UNC5D: variants seen among roughly 807,000 people sequenced by gnomAD.
The protein encoded by UNC5D is unc-5 netrin receptor D.
UNC5D carries 39 observed loss-of-function variants against 105.4 expected under a neutral mutation model. The ratio of observed to expected loss-of-function variants is 0.37; its 90% CI spans 0.29 to 0.48. UNC5D has a LOEUF of 0.48. Among genes scored for constraint, UNC5D ranks in the 20% least tolerant of loss-of-function variants. The pLI is 0.98. For missense variants in UNC5D, 991 were observed against 1,202.4 expected, an observed-to-expected ratio of 0.82 and a Z score of 2.60; for synonymous variants, 452 against 450.4, an observed-to-expected ratio of 1.00 and a Z score of -0.04.
chr8:35,720,020 C>T (rs903153113), intron 8 of UNC5D, among the ~76,000 whole-genome samples: 4 of 152,164 alleles, frequency 2.6e-5, no homozygotes, highest in Non-Finnish European at 4.4e-5. Context: ...GGTCTGCAGG[C>T]ATACATAGGG....
intron 4 of UNC5D, among the ~76,000 whole-genome samples, chr8:35,604,919 A>G (rs911190393): frequency 3.9e-5 from 6 of 152,024 alleles, no homozygotes; most frequent in Admixed American, 1.3e-4. Context: ...ACTTCTCTGC[A>G]TTGGTTATTC....
At chr8:35,646,782 A>G (rs1469708611) in intron 4 of UNC5D, among the ~76,000 whole-genome samples, 1 of 152,144 alleles carries the variant, frequency 6.6e-6, no homozygotes, top group Non-Finnish European at 1.5e-5. Flanking sequence ...ATATGTTTCC[A>G]GTGAAAAAGA....
At chr8:35,557,134 T>C (rs983271) in intron 2 of UNC5D, among the ~76,000 whole-genome samples, 34,711 of 152,092 alleles carry the variant, frequency 0.23, 6,108 homozygotes, top group African/African-American at 0.48. Flanking sequence ...CTAAACAACC[T>C]TTCCATGTCC....
chr8:35,749,381 A>C (rs1830154557), intron 12 of UNC5D, among the ~76,000 whole-genome samples: 1 of 152,194 alleles, frequency 6.6e-6, no homozygotes, highest in South Asian at 2.1e-4. Context: ...AGCTTCCTTT[A>C]TGTCCATCTG....
intron 1 of UNC5D, among the ~76,000 whole-genome samples, chr8:35,429,535 C>T (rs1399225307): frequency 6.6e-6 from 1 of 152,036 alleles, no homozygotes; most frequent in Non-Finnish European, 1.5e-5. Context: ...ATTATATCAT[C>T]ATTAATTTCA....
chr8:35,378,252 T>A (rs948689070), intron 1 of UNC5D, among the ~76,000 whole-genome samples: 6 of 152,188 alleles, frequency 3.9e-5, no homozygotes, highest in East Asian at 1.9e-4. Context: ...ACCTTATAAA[T>A]GTTATCTTCT....
chr8:35,731,242 T>C lies in UNC5D; in HGVS notation c.1766+146T>C, dbSNP rs1393788813. On this transcript the variant is annotated intron_variant, in intron 11 of 16. Coordinates refer to ENST00000404895, the MANE Select transcript of UNC5D (RefSeq NM_080872.4). ...GGCGAAAGCCTGTCTCTACTAAAAA[T>C]ACAAAAAAATTAGCCAGGCATGGTG... 15 of 657,674 alleles carry C rather than the reference T, an allele frequency of 2.3e-5. No homozygotes were observed. In the East Asian group the frequency reaches 4.4e-4, roughly 19 times the overall value. 40.7% of individuals were successfully genotyped at this position (657,674 alleles called of 1,614,324 possible).
intron 1 of UNC5D, among the ~76,000 whole-genome samples, chr8:35,332,929 G>A (rs1290457513): frequency 6.6e-6 from 1 of 152,224 alleles, no homozygotes; most frequent in African/African-American, 2.4e-5. Context: ...GCTCTTCTGA[G>A]TGGGGTGAAC....
intron 1 of UNC5D, among the ~76,000 whole-genome samples, chr8:35,421,777 C>G (rs1326348142): frequency 6.6e-6 from 1 of 152,126 alleles, no homozygotes; most frequent in South Asian, 2.1e-4. Context: ...ATAATCCCAC[C>G]CTTCAGGTTT....
intron 13 of UNC5D, among the ~76,000 whole-genome samples, chr8:35,756,685 C>CT (rs1830535836): frequency 6.6e-6 from 1 of 152,076 alleles, no homozygotes; most frequent in African/African-American, 2.4e-5. Flanking sequence ...AGCCACGTGG[C>CT]TTTAGGCAAA....
intron 1 of UNC5D, among the ~76,000 whole-genome samples, chr8:35,412,194 C>T (rs773206015): frequency 2.6e-5 from 4 of 151,912 alleles, no homozygotes; most frequent in Non-Finnish European, 5.9e-5. Context: ...TGTTAGGTTC[C>T]CTGAGCTCCT....
intron 1 of UNC5D, among the ~76,000 whole-genome samples, chr8:35,420,901 G>A (rs1368025112): frequency 1.3e-5 from 2 of 152,298 alleles, no homozygotes; most frequent in South Asian, 2.1e-4. Flanking sequence ...ATACAGGTCA[G>A]AAATGATGTG....
At chr8:35,469,542 C>A (rs1329408723) in intron 1 of UNC5D, among the ~76,000 whole-genome samples, 1 of 152,142 alleles carries the variant, frequency 6.6e-6, no homozygotes, top group Admixed American at 6.6e-5. Context: ...TAATAACTTT[C>A]TTTGCTTTGG....
In UNC5D at chr8:35,755,833, C is replaced by T. The variant is rs146068774; in HGVS notation, c.2164-3487C>T. 4.7e-3 allele frequency among the ~76,000 whole-genome samples: 717 copies of T among 152,266 alleles called. 3 individuals carry two copies. The highest frequency in any genetic ancestry group is 7.5e-3 in the Non-Finnish European group (507 of 68,010). ...GGTATTTAACAGGAGGTCCTTGTCA[C>T]ATAGAAGGCAGACTGGAAAAATCAA... is the stretch of plus-strand genomic sequence containing the variant. On this transcript the variant is annotated intron_variant, in intron 13 of 16. Coordinates refer to ENST00000404895, the MANE Select transcript of UNC5D (RefSeq NM_080872.4).
intron 2 of UNC5D, among the ~76,000 whole-genome samples, chr8:35,563,327 T>C (rs537004940): frequency 5.9e-5 from 8 of 135,646 alleles, no homozygotes; most frequent in Admixed American, 2.5e-4. Flanking sequence ...TCTATGTCTT[T>C]GGTTAAGTTC....
chr8:35,770,372 C>T (rs1801957444), intron 15 of UNC5D, among the ~76,000 whole-genome samples: 1 of 152,114 alleles, frequency 6.6e-6, no homozygotes, highest in Non-Finnish European at 1.5e-5. Context: ...CATGTTCAGC[C>T]TCATCCCTGA....
intron 11 of UNC5D, among the ~76,000 whole-genome samples, chr8:35,737,300 G>GTGTGTGTGTGTGTGTGT (rs57002738): frequency 7.7e-6 from 1 of 130,070 alleles, no homozygotes; most frequent in African/African-American, 3.2e-5. Context: ...GTGTGTGTGT[G>GTGTGTGTGTGTGTGTGT]TTAATGTGTG....
intron 4 of UNC5D, among the ~76,000 whole-genome samples, chr8:35,640,642 A>C (rs1822650350): frequency 6.6e-6 from 1 of 152,180 alleles, no homozygotes; most frequent in South Asian, 2.1e-4. Context: ...GTGGAAGATT[A>C]AGGTAAAAAT....
chr8:35,580,117 AGTAGG>A (rs1818378771), intron 3 of UNC5D, among the ~76,000 whole-genome samples: 1 of 152,192 alleles, frequency 6.6e-6, no homozygotes, highest in Non-Finnish European at 1.5e-5. Context: ...TATTCCATTA[AGTAGG>A]TTATGAATAG....
Sources: gnomAD v4.1 joint callset for allele counts (sites outside exome capture counted in the v4.1 genomes callset) on GRCh38, gnomAD v4.1.1 for gene constraint, MANE v1.5 for transcripts, NCBI Gene and HGNC (gene_info 2026-07-23, HGNC 2026-07-21) for gene names.